The following HEPH variants were observed in gnomAD, a reference collection of about 807,000 sequenced individuals.
HEPH encodes the protein hephaestin.
A neutral mutation model predicts 80.8 loss-of-function variants in HEPH; 69 were observed. That is an observed-to-expected ratio of 0.85 (90% confidence interval 0.70 to 1.04). The LOEUF (loss-of-function observed/expected upper bound fraction) is 1.04. Ranked by LOEUF, HEPH falls within the 50% of genes least tolerant of loss-of-function variation. The pLI, the probability that HEPH is intolerant of heterozygous loss-of-function variation, is 0.00. For missense variants in HEPH, 1,115 were observed against 891.3 expected (o/e 1.25, Z -3.20); for synonymous variants, 431 against 322.8 (o/e 1.34, Z -3.60).
chrX:66,202,662 C>A (rs1012318633), intron 12 of HEPH, among the ~76,000 whole-genome samples: 1 of 110,148 alleles, frequency 9.1e-6, no homozygotes, highest in Non-Finnish European at 1.9e-5. Flanking sequence ...TTGAAGTCTA[C>A]TTTATTTCTT....
chrX:66,162,672 CAG>C (rs748071665), upstream of HEPH: 14 of 1,120,090 alleles, frequency 1.2e-5, no homozygotes, highest in Non-Finnish European at 1.4e-5. Context: ...GTCTGAGTTG[CAG>C]TCCATGGGGC....
At chrX:66,267,508 A>G (rs752311641), downstream of HEPH, 10 of 111,819 alleles carry the variant, frequency 8.9e-5, no homozygotes, top group African/African-American at 3.2e-4. Flanking sequence ...AGAACCTACA[A>G]GTTTTTGTTT....
intron 15 of HEPH, among the ~76,000 whole-genome samples, chrX:66,233,799 A>G (rs1002053208): frequency 7.2e-5 from 8 of 111,257 alleles, no homozygotes; most frequent in African/African-American, 2.3e-4. Context: ...AAATTTATGT[A>G]CTGAACCAAA....
At position 66,244,043 on chromosome X, in the gene HEPH, C is replaced by T. The variant is rs1015395682; in HGVS notation, c.2564-10992C>T. On this transcript the variant is annotated intron_variant, in intron 15 of 20. Coordinates refer to ENST00000343002, the MANE Select transcript of HEPH (RefSeq NM_001367233.3). Reference sequence around the variant, plus strand: ...TGTAGAGTTTCTGCTGAGAAGTACACTGTTAGCCCAATGGGGTTCCTTTGT... The same window carrying T: ...TGTAGAGTTTCTGCTGAGAAGTACATTGTTAGCCCAATGGGGTTCCTTTGT... Among the ~76,000 whole-genome samples, 30 of 112,103 alleles carry T rather than the reference C, an allele frequency of 2.7e-4. 1 individual carries two copies. The highest frequency in any genetic ancestry group is 8.7e-4 in the African/African-American group (27 of 30,883).
At position 66,260,245 on chromosome X, in the gene HEPH, C is replaced by G; in HGVS notation, c.3182C>G (p.Thr1061Ser). Residue 1061 changes from threonine (T) to serine (S), a missense_variant, in exon 19 of 21, where the codon ACT (threonine) becomes AGT (serine). Around this residue, in one of 3 missense-constraint regions of HEPH, gnomAD observed 716 missense variants for 523.5 expected, o/e 1.37. Transcript: ENST00000343002. ...CATGCTGGCATGGAGACCCTCTTCA[C>G]TGTTTTTTCTCGAACAGGTAAGTCC... ...HVHAGMETLF[T>S]VFSRTEHLSP... The G allele has an allele frequency of 8.3e-7, 1 of 1,207,571 alleles. No individual in the cohort carries two copies. The highest frequency in any genetic ancestry group is 1.7e-5 in the African/African-American group (1 of 57,593).
In HEPH at chrX:66,266,850, C is replaced by T. The variant is rs949944954; in HGVS notation, c.*178C>T. 7.1e-6 allele frequency: 3 copies of T among 421,867 alleles called. No homozygotes were observed. The East Asian group carries it at 1.1e-4, about 16-fold the overall frequency. 34.8% of individuals were successfully genotyped at this position (421,867 alleles called of 1,213,427 possible). The stretch of plus-strand genomic sequence containing the variant: ...ATTTTACATGGAAATAATATGATTT[C>T]ACTTTTTCTTTAGTTTCTTTGCTCT... On this transcript the variant is annotated 3_prime_UTR_variant, in exon 21 of 21. Transcript: ENST00000343002.
At chrX:66,164,805 T>A (rs1258151097) in intron 1 of HEPH, among the ~76,000 whole-genome samples, 1 of 112,268 alleles carries the variant, frequency 8.9e-6, no homozygotes, top group South Asian at 3.7e-4. Flanking sequence ...GAGGATTATG[T>A]AAGTGGGAAC....
At chrX:66,261,642 G>A (rs2091368813) in intron 19 of HEPH, among the ~76,000 whole-genome samples, 1 of 110,239 alleles carries the variant, frequency 9.1e-6, no homozygotes, top group African/African-American at 3.3e-5. Context: ...AACAAGAATA[G>A]TGAAGGGGAA....
chrX:66,230,170 T>C (rs2090066637), intron 15 of HEPH, among the ~76,000 whole-genome samples: 1 of 87,502 alleles, frequency 1.1e-5, no homozygotes, highest in South Asian at 6.8e-4. Flanking sequence ...TAATCCAGTC[T>C]ATCATTGTTG....
intron 1 of HEPH, among the ~76,000 whole-genome samples, chrX:66,168,817 A>G (rs2086473908): frequency 8.9e-6 from 1 of 111,907 alleles, no homozygotes; most frequent in South Asian, 3.7e-4. Flanking sequence ...ATGATCTGTC[A>G]GTGAATAGTA....
chrX:66,230,741 A>T (rs1241600252), intron 15 of HEPH, among the ~76,000 whole-genome samples: 1 of 106,464 alleles, frequency 9.4e-6, no homozygotes, highest in South Asian at 4.1e-4. Flanking sequence ...GTTCACTCTG[A>T]TGGTAGTTTC....
Position 66,194,497 on chromosome X carries a change from T to C in HEPH, c.1370-601T>C, listed in dbSNP as rs2087980656. On this transcript the variant is annotated intron_variant, in intron 8 of 20. Transcript: ENST00000343002. The stretch of plus-strand genomic sequence containing the variant: ...GTGCCCAGTTTTGGTACTTTTTGTC[T>C]GCTTCAAAGATGACCTAAGCTAGAT... Among the ~76,000 whole-genome samples, 3 of 112,245 alleles carry C rather than the reference T, an allele frequency of 2.7e-5. No individual in the cohort carries two copies. In the South Asian group the frequency reaches 1.1e-3, roughly 41 times the overall value.
chrX:66,228,332 C>A (rs918272173), intron 15 of HEPH, among the ~76,000 whole-genome samples: 1 of 112,410 alleles, frequency 8.9e-6, no homozygotes, highest in African/African-American at 3.2e-5. Flanking sequence ...AGATGAGATT[C>A]GTGTGGAACA....
chrX:66,263,326 A>G (rs187941213), intron 19 of HEPH, among the ~76,000 whole-genome samples: 234 of 111,375 alleles, frequency 2.1e-3, no homozygotes, highest in Non-Finnish European at 3.5e-3. Flanking sequence ...GGATTTCCTG[A>G]AGGAAGTGTG....
intron 20 of HEPH, among the ~76,000 whole-genome samples, chrX:66,264,780 A>C (rs1313347364): frequency 9.5e-6 from 1 of 105,443 alleles, no homozygotes; most frequent in African/African-American, 3.4e-5. Flanking sequence ...TTTCAACCTG[A>C]GCAACTAAAT....
chrX:66,213,621 T>A (rs2089255295), intron 15 of HEPH, among the ~76,000 whole-genome samples: 1 of 111,798 alleles, frequency 8.9e-6, no homozygotes, highest in Non-Finnish European at 1.9e-5. Flanking sequence ...GCAATGAAAT[T>A]CTTGTATGCA....
Position 66,195,540 on chromosome X carries a change from A to C in HEPH, c.1501+311A>C, listed in dbSNP as rs780527568. Among the ~76,000 whole-genome samples the C allele has an allele frequency of 2.7e-5, 3 of 111,521 alleles. No homozygotes were observed. The South Asian group carries it at 1.1e-3, about 42-fold the overall frequency. On this transcript the variant is annotated intron_variant, in intron 9 of 20. Coordinates refer to ENST00000343002, the MANE Select transcript of HEPH (RefSeq NM_001367233.3). ...TCATATAAATTTTGATATACCTTTA[A>C]ATATTTTTATGTGCTTATACAAGTC...
intron 15 of HEPH, among the ~76,000 whole-genome samples, chrX:66,238,957 T>C (rs981087992): frequency 8.9e-6 from 1 of 112,721 alleles, no homozygotes; most frequent in Non-Finnish European, 1.9e-5. Context: ...AGATCGCTCA[T>C]GCTATTGTTT....
At chrX:66,162,690 C>G, upstream of HEPH, 1 of 1,147,095 alleles carries the variant, frequency 8.7e-7, no homozygotes, top group Non-Finnish European at 1.2e-6. Flanking sequence ...GGGGCAGCGC[C>G]TAAGTGTCTG....
Sources: allele counts gnomAD v4.1 joint callset (sites outside exome capture counted in the v4.1 genomes callset), GRCh38; gene constraint gnomAD v4.1.1; regional missense constraint gnomAD v4.1.1; transcripts MANE v1.5; gene names NCBI Gene and HGNC (gene_info 2026-07-23, HGNC 2026-07-21).